The following SLC35F1 variants were observed in gnomAD, a reference collection of about 807,000 sequenced individuals.
SLC35F1 encodes the protein solute carrier family 35 member F1.
A neutral mutation model predicts 48.7 loss-of-function variants in SLC35F1; 14 were observed. That is an observed-to-expected ratio of 0.29 (90% CI 0.19 to 0.45). The LOEUF is 0.45. Among genes scored for constraint, SLC35F1 ranks in the 20% least tolerant of loss-of-function variants. The probability of loss-of-function intolerance (pLI) is 1.00; values close to 1 mark genes in which losing one functional copy is unlikely to be tolerated. For missense variants in SLC35F1, 404 were observed against 500.0 expected, an observed-to-expected ratio of 0.81 and a Z score of 1.83; for synonymous variants, 190 against 202.2, an observed-to-expected ratio of 0.94 and a Z score of 0.51.
At chr6:117,929,441 GTGTA>G (rs1185552708) in intron 1 of SLC35F1, among the ~76,000 whole-genome samples, 1 of 139,716 alleles carries the variant, frequency 7.2e-6, no homozygotes, top group African/African-American at 2.6e-5. Context: ...TTGTATATAT[GTGTA>G]TGTATTTATG....
At chr6:117,980,917 G>A (rs572795497) in intron 1 of SLC35F1, among the ~76,000 whole-genome samples, 2 of 152,318 alleles carry the variant, frequency 1.3e-5, no homozygotes, top group East Asian at 3.9e-4. Context: ...GGAACCCTGG[G>A]TGATTGTAAG....
In SLC35F1 at chr6:118,133,405, T is replaced by C. The variant is rs564142538; in HGVS notation, c.174-21040T>C. Among the ~76,000 whole-genome samples the C allele has an allele frequency of 5.9e-5, 9 of 152,290 alleles. No individual in the cohort carries two copies. In the East Asian group the frequency reaches 1.5e-3, roughly 26 times the overall value. On this transcript the variant is annotated intron_variant, in intron 1 of 7. Coordinates refer to ENST00000360388, the MANE Select transcript of SLC35F1 (RefSeq NM_001029858.4). ...GGTTCTGGAAAAAAAAGTCCTTTCTTCCCACTAACACTAGTTTTTAGATAC... is the reference window on the plus strand; with the variant it reads ...GGTTCTGGAAAAAAAAGTCCTTTCTCCCCACTAACACTAGTTTTTAGATAC...
chr6:118,208,300 T>C (rs1210428195), intron 2 of SLC35F1, among the ~76,000 whole-genome samples: 2 of 152,220 alleles, frequency 1.3e-5, no homozygotes, highest in African/African-American at 2.4e-5. Context: ...CAGTTCTTTA[T>C]GTTCCATTCA....
intron 1 of SLC35F1, among the ~76,000 whole-genome samples, chr6:118,051,958 ATGTCACTGCTT>A (rs1182381079): frequency 6.6e-6 from 1 of 152,072 alleles, no homozygotes; most frequent in African/African-American, 2.4e-5. Flanking sequence ...CCAAGCCCTA[ATGTCACTGCTT>A]TGCATGACTC....
chr6:117,928,289 G>A (rs751992058), intron 1 of SLC35F1, among the ~76,000 whole-genome samples: 9 of 152,132 alleles, frequency 5.9e-5, no homozygotes, highest in African/African-American at 1.4e-4. Context: ...CATGCTGAAC[G>A]TGGAGGAAAT....
intron 1 of SLC35F1, among the ~76,000 whole-genome samples, chr6:118,061,974 G>A (rs1251752289): frequency 1.3e-5 from 2 of 152,040 alleles, no homozygotes; most frequent in African/African-American, 2.4e-5. Context: ...GACTGGTACC[G>A]GTCTGAGAGT....
intron 1 of SLC35F1, among the ~76,000 whole-genome samples, chr6:118,004,437 T>G (rs1777147259): frequency 6.6e-6 from 1 of 152,242 alleles, no homozygotes; most frequent in East Asian, 1.9e-4. Flanking sequence ...AAATCCTATG[T>G]AAACAATGTA....
At chr6:118,249,140 C>T (rs1331095645) in intron 3 of SLC35F1, among the ~76,000 whole-genome samples, 2 of 152,216 alleles carry the variant, frequency 1.3e-5, no homozygotes, top group African/African-American at 4.8e-5. Flanking sequence ...AGCCACCAGT[C>T]TATGGTATTT....
chr6:118,123,867 T>C (rs1773587644), intron 1 of SLC35F1, among the ~76,000 whole-genome samples: 1 of 152,152 alleles, frequency 6.6e-6, no homozygotes, highest in Non-Finnish European at 1.5e-5. Flanking sequence ...GGAGGACCTT[T>C]AGGAATCTGT....
intron 1 of SLC35F1, among the ~76,000 whole-genome samples, chr6:118,147,317 C>T (rs1773988517): frequency 6.6e-6 from 1 of 152,110 alleles, no homozygotes; most frequent in Non-Finnish European, 1.5e-5. Context: ...AACTGAGAAT[C>T]CCCAGGAAAG....
At chr6:118,020,383 A>G (rs1318070723) in intron 1 of SLC35F1, among the ~76,000 whole-genome samples, 4 of 152,348 alleles carry the variant, frequency 2.6e-5, no homozygotes, top group Middle Eastern at 3.4e-3. Flanking sequence ...GAGGCTGCAC[A>G]GTCAGTGTGG....
rs554122963 is a variant in SLC35F1, at chr6:118,242,566, C to T, written c.477+6930C>T. ...GCATTTGTAGGCTTGTGTATCTTGA[C>T]TTGTGGAGGATGAATAGATTGTGCT... is the stretch of plus-strand genomic sequence containing the variant. On this transcript the variant is annotated intron_variant, in intron 3 of 7. Coordinates refer to ENST00000360388, the MANE Select transcript of SLC35F1 (RefSeq NM_001029858.4). Among the ~76,000 whole-genome samples the T allele has an allele frequency of 8.0e-4, 122 of 152,272 alleles. 4 individuals are homozygous for T. The South Asian group carries it at 0.023, about 28-fold the overall frequency.
chr6:118,075,338 A>G (rs1772803027), intron 1 of SLC35F1, among the ~76,000 whole-genome samples: 1 of 152,230 alleles, frequency 6.6e-6, no homozygotes, highest in South Asian at 2.1e-4. Context: ...TACATGATAA[A>G]TGGAAACTAG....
At chr6:117,943,862 T>A (rs1380496394) in intron 1 of SLC35F1, among the ~76,000 whole-genome samples, 1 of 152,208 alleles carries the variant, frequency 6.6e-6, no homozygotes, top group Non-Finnish European at 1.5e-5. Flanking sequence ...TTCTTTTGCC[T>A]ACTCTTATGT....
intron 1 of SLC35F1, among the ~76,000 whole-genome samples, chr6:118,080,011 TAGAA>T (rs551520999): frequency 1.6e-3 from 247 of 152,330 alleles, no homozygotes; most frequent in African/African-American, 5.6e-3. Context: ...ACTAGGAATT[TAGAA>T]AGCCTCTTAT....
intron 2 of SLC35F1, among the ~76,000 whole-genome samples, chr6:118,176,904 C>T (rs1378154359): frequency 6.6e-6 from 1 of 151,888 alleles, no homozygotes; most frequent in African/African-American, 2.4e-5. Flanking sequence ...CAGATCACTG[C>T]ACCTAAATGA....
chr6:117,928,641 A>G (rs1432849740), intron 1 of SLC35F1, among the ~76,000 whole-genome samples: 3 of 152,218 alleles, frequency 2.0e-5, no homozygotes, highest in Non-Finnish European at 4.4e-5. Flanking sequence ...TATAAGCCAT[A>G]GATACTAGTT....
chr6:118,138,856 C>A (rs532103737), intron 1 of SLC35F1, among the ~76,000 whole-genome samples: 1 of 152,008 alleles, frequency 6.6e-6, no homozygotes, highest in Non-Finnish European at 1.5e-5. Flanking sequence ...ACGTACAACT[C>A]ATTTGAATTT....
At chr6:118,035,822 G>A (rs1179761298) in intron 1 of SLC35F1, among the ~76,000 whole-genome samples, 1 of 93,812 alleles carries the variant, frequency 1.1e-5, no homozygotes, top group Non-Finnish European at 2.1e-5. Context: ...CCACATAGCT[G>A]GGACTACAGG....
Sources: gnomAD v4.1 joint callset for allele counts (sites outside exome capture counted in the v4.1 genomes callset) on GRCh38, gnomAD v4.1.1 for gene constraint, MANE v1.5 for transcripts, NCBI Gene and HGNC (gene_info 2026-07-23, HGNC 2026-07-21) for gene names.